KIF27: variants seen among roughly 807,000 people sequenced by gnomAD.
KIF27 encodes kinesin family member 27.
Under a neutral mutation model 141.8 loss-of-function variants are expected in KIF27, and 84 were observed. The ratio of observed to expected loss-of-function variants is 0.59; its 90% CI spans 0.50 to 0.71. The LOEUF (loss-of-function observed/expected upper bound fraction) is 0.71. KIF27 is among the 30% of genes least tolerant of loss of function. KIF27 has a pLI of 0.00. For synonymous variants in KIF27, 471 were observed against 569.5 expected (o/e 0.83, Z 2.46); for missense variants, 1,306 against 1,628.4 (o/e 0.80, Z 3.41).
chr9:83,836,508 A>T lies in KIF27; in HGVS notation c.*493T>A, dbSNP rs1418014394. On this transcript the variant is annotated 3_prime_UTR_variant, in exon 18 of 18. Transcript: ENST00000297814. ...TTCTGAGGACTGTAAATGAGCCTCA[A>T]TCCATAAAGCTGAGAGGTTGTCTTA... Among the ~76,000 whole-genome samples the T allele has an allele frequency of 6.6e-6, 1 of 152,288 alleles. No individual in the cohort carries two copies. The highest frequency in any genetic ancestry group is 1.9e-4 in the East Asian group (1 of 5,188).
chr9:83,920,212 C>T (rs1956120470), intron 1 of KIF27, among the ~76,000 whole-genome samples: 1 of 152,042 alleles, frequency 6.6e-6, no homozygotes, highest in Admixed American at 6.6e-5. Context: ...AGAGCGAGAC[C>T]CTGTCTCAAA....
At chr9:83,881,557 T>TA (rs1477907381) in intron 10 of KIF27, among the ~76,000 whole-genome samples, 1 of 152,246 alleles carries the variant, frequency 6.6e-6, no homozygotes, top group South Asian at 2.1e-4. Flanking sequence ...AGCATACTGT[T>TA]AGATTCGGTT....
chr9:83,894,823 G>A (rs1953020719), intron 5 of KIF27, among the ~76,000 whole-genome samples: 1 of 152,206 alleles, frequency 6.6e-6, no homozygotes, highest in African/African-American at 2.4e-5. Flanking sequence ...CCAGGAGAAT[G>A]AATATATATT....
Position 83,915,477 on chromosome 9 carries a change from T to C in KIF27, c.115A>G (p.Ile39Val). The stretch of plus-strand genomic sequence containing the variant: ...AAAGTGAAGACTCTATCTCTCCCAA[T>C]GATAACTTGCTGGCTGTTTGGAATA... ...RVIPNSQQVI[I>V]GRDRVFTFDF... Residue 39 changes from isoleucine to valine, a missense_variant, in exon 2 of 18, where the codon ATT becomes GTT. By Grantham distance (29) the Ile-to-Val change is conservative. Transcript: ENST00000297814. 3.7e-6 allele frequency: 6 copies of C among 1,613,898 alleles called. No homozygotes were observed. Among genetic ancestry groups the C allele is most frequent in the Non-Finnish European group, 5.1e-6 (6 of 1,179,840 alleles).
chr9:83,920,986 C>A (rs547808000), intron 1 of KIF27, among the ~76,000 whole-genome samples: 4 of 152,276 alleles, frequency 2.6e-5, no homozygotes, highest in African/African-American at 9.6e-5. Context: ...TCGCGTCGCA[C>A]CTCACGCCGT....
intron 3 of KIF27, among the ~76,000 whole-genome samples, chr9:83,906,852 A>G (rs1307306103): frequency 1.3e-5 from 2 of 152,018 alleles, no homozygotes; most frequent in Non-Finnish European, 2.9e-5. Flanking sequence ...AACTATAAAC[A>G]CATTCATAAG....
Position 83,913,037 on chromosome 9 carries a change from T to C in KIF27, c.298+2257A>G, listed in dbSNP as rs556569503. Among the ~76,000 whole-genome samples, 8 of 150,250 alleles carry C rather than the reference T, an allele frequency of 5.3e-5. No homozygotes were observed. In the South Asian group the frequency reaches 1.1e-3, roughly 20 times the overall value. On this transcript the variant is annotated intron_variant, in intron 2 of 17. Coordinates refer to ENST00000297814, the MANE Select transcript of KIF27 (RefSeq NM_017576.4). ...AAAATTAGTCGGGAGTGGTGATATG[T>C]CCCTGTAGTCCCAGATACTTAGGAG...
At chr9:83,887,298 C>G (rs1952195583) in intron 8 of KIF27, 102 bp from the exon 9 acceptor site, 5 of 727,434 alleles carry the variant, frequency 6.9e-6, no homozygotes, top group Admixed American at 7.4e-5. Flanking sequence ...TTAGAGGTGG[C>G]AGTGGAAGAG....
In KIF27 at chr9:83,838,434, C is replaced by T. The variant is rs1394677651; in HGVS notation, c.3722-949G>A. On this transcript the variant is annotated intron_variant, in intron 17 of 17. Coordinates refer to ENST00000297814, the MANE Select transcript of KIF27 (RefSeq NM_017576.4). ...ATTTTTAGTAGAGATGGGGTTTCAC[C>T]GTGTTAGCCAGGATGGTCTCGATCT... Among the ~76,000 whole-genome samples the T allele has an allele frequency of 4.6e-5, 7 of 152,234 alleles. No individual in the cohort carries two copies. The East Asian group carries it at 9.7e-4, about 21-fold the overall frequency.
intron 5 of KIF27, among the ~76,000 whole-genome samples, chr9:83,896,135 C>T (rs1485294528): frequency 1.3e-5 from 2 of 149,550 alleles, no homozygotes; most frequent in Non-Finnish European, 3.0e-5. Context: ...CCCAGCTATA[C>T]AGGAGACTGA....
chr9:83,852,273 C>T (rs186597914), intron 15 of KIF27, among the ~76,000 whole-genome samples: 2,421 of 145,380 alleles, frequency 0.017, 82 homozygotes, highest in African/African-American at 0.062. Flanking sequence ...GGTAAAACCC[C>T]GTCTCTACTA....
chr9:83,859,556 A>G (rs1471112507), intron 13 of KIF27, 185 bp from the exon 14 acceptor site: 1 of 561,008 alleles, frequency 1.8e-6, no homozygotes, highest in African/African-American at 1.9e-5. Context: ...TTTGACATGG[A>G]GTTTTGCTCT....
intron 3 of KIF27, 150 bp downstream of exon 3, chr9:83,908,302 T>C: frequency 2.3e-6 from 1 of 427,106 alleles, no homozygotes; most frequent in Non-Finnish European, 4.2e-6. Context: ...GGATTAATAA[T>C]AAAGCTGTTC....
chr9:83,840,467 A>G (rs1243524061), intron 17 of KIF27, among the ~76,000 whole-genome samples: 2 of 152,164 alleles, frequency 1.3e-5, no homozygotes, highest in African/African-American at 4.8e-5. Flanking sequence ...TTGGTTAAAG[A>G]GCAGGATGAA....
intron 13 of KIF27, among the ~76,000 whole-genome samples, chr9:83,860,584 T>C (rs560189932): frequency 1.1e-4 from 16 of 152,370 alleles, no homozygotes; most frequent in African/African-American, 3.8e-4. Flanking sequence ...CAACTTTTTA[T>C]TGCACCTTAT....
At chr9:83,884,224 C>T (rs566217751) in intron 9 of KIF27, among the ~76,000 whole-genome samples, 5 of 152,186 alleles carry the variant, frequency 3.3e-5, no homozygotes. Context: ...ATGACTGTTC[C>T]CATCTGCTGC....
chr9:83,863,913 A>C (rs1950149443), intron 13 of KIF27: 1 of 152,162 alleles, frequency 6.6e-6, no homozygotes, highest in Non-Finnish European at 1.5e-5. Context: ...GGGAGGGTGT[A>C]TGTGTCCAGG....
At position 83,848,109 on chromosome 9, in the gene KIF27, CATATCTGAT is replaced by C. The variant is rs1239026530; in HGVS notation, c.3556+1981_3556+1989del. On this transcript the variant is annotated intron_variant, in intron 16 of 17. Transcript: ENST00000297814. The stretch of plus-strand genomic sequence containing the variant: ...CATATATATGATATATATGATATCT[CATATCTGAT>C]ATATCTGATATCTCATATATGATAT... Among the ~76,000 whole-genome samples, 15 of 24,506 alleles carry C rather than the reference CATATCTGAT, an allele frequency of 6.1e-4. 6 individuals carry two copies. Among genetic ancestry groups the C allele is most frequent in the South Asian group, 2.3e-3 (2 of 878 alleles). 16.1% of individuals were successfully genotyped at this position (24,506 alleles called of 152,430 possible). A position where few individuals can be genotyped will look rare whatever the true frequency, so the allele number is the denominator to read the frequency against.
intron 12 of KIF27, among the ~76,000 whole-genome samples, chr9:83,870,147 CT>C (rs770675401): frequency 1.3e-5 from 2 of 151,856 alleles, no homozygotes; most frequent in Non-Finnish European, 2.9e-5. Flanking sequence ...ATCTCTCTAT[CT>C]ATCTATCTAT....
Sources: allele counts gnomAD v4.1 joint callset (sites outside exome capture counted in the v4.1 genomes callset), GRCh38; gene constraint gnomAD v4.1.1; transcripts MANE v1.5; gene names NCBI Gene and HGNC (gene_info 2026-07-23, HGNC 2026-07-21).